The following SEL1L variants were observed in gnomAD, a reference collection of about 807,000 sequenced individuals.
SEL1L encodes the protein protein sel-1 homolog 1.
Under a neutral mutation model 109.8 loss-of-function variants are expected in SEL1L, and 52 were observed. The observed-to-expected ratio is 0.47, with a 90% confidence interval of 0.38 to 0.60. SEL1L has a LOEUF of 0.60. Ranked by LOEUF, SEL1L falls within the 20% of genes least tolerant of loss-of-function variation. The pLI is 0.00. For synonymous variants in SEL1L, 373 were observed against 339.6 expected, an observed-to-expected ratio of 1.10 and a Z score of -1.08; for missense variants, 749 against 962.2, an observed-to-expected ratio of 0.78 and a Z score of 2.93.
At chr14:81,515,130 C>G (rs1884648053) in intron 3 of SEL1L, among the ~76,000 whole-genome samples, 1 of 152,116 alleles carries the variant, frequency 6.6e-6, no homozygotes, top group African/African-American at 2.4e-5. Flanking sequence ...AGGAAACAAG[C>G]AAAGAAATCT....
At chr14:81,500,096 A>C (rs1326095360) in intron 6 of SEL1L, among the ~76,000 whole-genome samples, 1 of 151,902 alleles carries the variant, frequency 6.6e-6, no homozygotes, top group Non-Finnish European at 1.5e-5. Context: ...TTTTTGGTAG[A>C]GACAGGGTTT....
intron 3 of SEL1L, among the ~76,000 whole-genome samples, chr14:81,508,995 A>C (rs182520037): frequency 1.3e-5 from 2 of 152,368 alleles, no homozygotes; most frequent in East Asian, 3.9e-4. Context: ...AGGAGGAAGA[A>C]TCCTCAGGAG....
chr14:81,532,583 G>T (rs1885371016), intron 1 of SEL1L, among the ~76,000 whole-genome samples: 1 of 152,090 alleles, frequency 6.6e-6, no homozygotes, highest in Non-Finnish European at 1.5e-5. Flanking sequence ...TTTTGAAATG[G>T]TATCTCAAAC....
Position 81,510,375 on chromosome 14 carries a change from A to G in SEL1L, c.341-4134T>C, listed in dbSNP as rs147017820. Among the ~76,000 whole-genome samples the G allele has an allele frequency of 4.3e-3, 652 of 152,188 alleles. 5 individuals are homozygous for G. The highest frequency in any genetic ancestry group is 0.015 in the African/African-American group (630 of 41,522). On this transcript the variant is annotated intron_variant, in intron 3 of 20. Coordinates refer to ENST00000336735, the MANE Select transcript of SEL1L (RefSeq NM_005065.6). Reference sequence around the variant, plus strand: ...GGTAGCTGGAGGGGGACTAAGGGATACAAGATTTTTGTTTTTAACAGATAA... The same window carrying G: ...GGTAGCTGGAGGGGGACTAAGGGATGCAAGATTTTTGTTTTTAACAGATAA...
intron 19 of SEL1L, among the ~76,000 whole-genome samples, chr14:81,480,838 G>A (rs901404857): frequency 6.6e-6 from 1 of 152,202 alleles, no homozygotes; most frequent in African/African-American, 2.4e-5. Flanking sequence ...GAATAGGCCT[G>A]TATGCACAGC....
intron 3 of SEL1L, among the ~76,000 whole-genome samples, chr14:81,516,878 C>G (rs536121824): frequency 1.3e-5 from 2 of 152,044 alleles, no homozygotes; most frequent in East Asian, 3.9e-4. Context: ...CTCCAGACTT[C>G]CCCCCCATGT....
At position 81,487,411 on chromosome 14, in the gene SEL1L, T is replaced by G. The variant is rs746035498; in HGVS notation, c.1611A>C (p.Arg537=). Residue 537 remains arginine (R), a synonymous_variant, in exon 16 of 21, where the codon CGA becomes CGC. Coordinates refer to ENST00000336735, the MANE Select transcript of SEL1L (RefSeq NM_005065.6). ...QMHASGTGVM[R]SCHTAVELFK... ...TTACCTCCACTGCAGTGTGACATGA[T>G]CGCATCACGCCGGTGCCACTGGCAT... 6.3e-7 allele frequency: 1 copy of G among 1,592,004 alleles called. No homozygotes were observed. The highest frequency in any genetic ancestry group is 2.2e-5 in the East Asian group (1 of 44,634).
intron 1 of SEL1L, among the ~76,000 whole-genome samples, chr14:81,531,777 A>G (rs1885333790): frequency 6.6e-6 from 1 of 152,142 alleles, no homozygotes; most frequent in Admixed American, 6.5e-5. Flanking sequence ...TCCTGGGCTC[A>G]AGTGATCCTT....
At chr14:81,481,448 G>A (rs964004874) in intron 19 of SEL1L, among the ~76,000 whole-genome samples, 1 of 152,122 alleles carries the variant, frequency 6.6e-6, no homozygotes, top group African/African-American at 2.4e-5. Flanking sequence ...GTTAGTGTCT[G>A]AGTTTTTAGA....
intron 1 of SEL1L, among the ~76,000 whole-genome samples, chr14:81,533,066 T>A (rs552364436): frequency 6.6e-6 from 1 of 152,278 alleles, no homozygotes; most frequent in South Asian, 2.1e-4. Context: ...CCAAACATCA[T>A]AAAATGACTG....
At chr14:81,530,864 A>G (rs1233288455) in intron 1 of SEL1L, among the ~76,000 whole-genome samples, 1 of 152,262 alleles carries the variant, frequency 6.6e-6, no homozygotes, top group Admixed American at 6.5e-5. Context: ...CCTAAGCTAC[A>G]AATCTGTACA....
chr14:81,487,348 C>A (rs1193260993), intron 16 of SEL1L, 42 bp downstream of exon 16: 3 of 1,515,210 alleles, frequency 2.0e-6, no homozygotes, highest in Non-Finnish European at 2.6e-6. Flanking sequence ...TCCTGCTGGG[C>A]AAATCAACTC....
chr14:81,527,203 A>C (rs1885147217), intron 2 of SEL1L, among the ~76,000 whole-genome samples: 1 of 152,088 alleles, frequency 6.6e-6, no homozygotes, highest in African/African-American at 2.4e-5. Context: ...CTTAATTCCC[A>C]AAGTCTGGGT....
intron 3 of SEL1L, among the ~76,000 whole-genome samples, chr14:81,519,310 C>G (rs1297304340): frequency 6.6e-6 from 1 of 152,208 alleles, no homozygotes; most frequent in Non-Finnish European, 1.5e-5. Flanking sequence ...TAGTCTTCCA[C>G]TATGACAAAT....
intron 1 of SEL1L, 58 bp downstream of exon 1, chr14:81,533,617 C>G: frequency 6.4e-7 from 1 of 1,554,882 alleles, no homozygotes; most frequent in South Asian, 1.1e-5. Context: ...GCCCCGCCGG[C>G]TGTAGAGGCT....
intron 15 of SEL1L, 156 bp downstream of exon 15, chr14:81,487,699 T>C: frequency 2.0e-6 from 2 of 979,896 alleles, no homozygotes; most frequent in Non-Finnish European, 1.2e-6. Flanking sequence ...TTAATATAAT[T>C]TACAATGAAA....
chr14:81,498,232 A>T (rs1883856145), intron 9 of SEL1L, 181 bp downstream of exon 9: 1 of 833,188 alleles, frequency 1.2e-6, no homozygotes, highest in East Asian at 2.7e-5. Flanking sequence ...CACAACGTAA[A>T]TAGAACCTAA....
chr14:81,510,699 T>C (rs542525541), intron 3 of SEL1L, among the ~76,000 whole-genome samples: 1 of 152,262 alleles, frequency 6.6e-6, no homozygotes, highest in South Asian at 2.1e-4. Context: ...GATATTTAAA[T>C]AAGAAAATTA....
At chr14:81,484,185 A>G in intron 19 of SEL1L, 40 bp downstream of exon 19, 4 of 1,554,832 alleles carry the variant, frequency 2.6e-6, no homozygotes, top group Non-Finnish European at 2.6e-6. Context: ...TTCCCCAATC[A>G]CAATTATGTG....
Sources: gnomAD v4.1 joint callset for allele counts (sites outside exome capture counted in the v4.1 genomes callset) on GRCh38, gnomAD v4.1.1 for gene constraint, MANE v1.5 for transcripts, NCBI Gene and HGNC (gene_info 2026-07-23, HGNC 2026-07-21) for gene names.